CELF2: variants seen among roughly 807,000 people sequenced by gnomAD.
CELF2 encodes CUG triplet repeat RNA-binding protein 2.
CELF2 carries 8 observed loss-of-function variants against 62.6 expected under a neutral mutation model. The ratio of observed to expected loss-of-function variants is 0.13; its 90% confidence interval spans 0.07 to 0.23. The LOEUF (loss-of-function observed/expected upper bound fraction) is 0.23. Among genes scored for constraint, CELF2 ranks in the 10% least tolerant of loss-of-function variants. CELF2 has a pLI of 1.00. For missense variants in CELF2, 333 were observed against 671.0 expected (o/e 0.50, Z 5.56); for synonymous variants, 258 against 250.0 (o/e 1.03, Z -0.30).
rs570686207 is a variant in CELF2 at position 10,839,849 on chromosome 10, A to G, written c.53+41032A>G. On this transcript the variant is annotated intron_variant, in intron 1 of 13. Coordinates refer to the CELF2 transcript ENST00000636488. ...AGAGAATAGTTTCACTGCCCTAAAAATTCCTCTGTGCTTCACCTATTCAAC... is the reference window on the plus strand; with the variant it reads ...AGAGAATAGTTTCACTGCCCTAAAAGTTCCTCTGTGCTTCACCTATTCAAC... Among the ~76,000 whole-genome samples, 11 of 152,320 alleles carry G rather than the reference A, an allele frequency of 7.2e-5. No individual in the cohort carries two copies. The South Asian group carries it at 1.5e-3, about 20-fold the overall frequency.
the CELF2 span, among the ~76,000 whole-genome samples, chr10:10,779,434 G>T: frequency 6.6e-6 from 1 of 152,134 alleles, no homozygotes; most frequent in African/African-American, 2.4e-5. Flanking sequence ...CTTGGGCCCC[G>T]TTCATTGCAC....
At chr10:11,298,802 G>A (rs779780842) in intron 9 of CELF2, among the ~76,000 whole-genome samples, 27 of 152,088 alleles carry the variant, frequency 1.8e-4, no homozygotes, top group Admixed American at 9.8e-4. Context: ...GGAGTGATAC[G>A]AAATACCACA....
chr10:10,802,550 T>C (rs1402304522), intron 1 of CELF2, among the ~76,000 whole-genome samples: 1 of 75,508 alleles, frequency 1.3e-5, no homozygotes, highest in Non-Finnish European at 2.6e-5. Context: ...AGATAAGACT[T>C]GAGAGAAAAA....
intron 7 of CELF2, among the ~76,000 whole-genome samples, chr10:11,272,684 G>A (rs2138719006): frequency 6.6e-6 from 1 of 152,272 alleles, no homozygotes; most frequent in Non-Finnish European, 1.5e-5. Context: ...TCTGCCATGG[G>A]TGATTCTTTC....
chr10:10,883,522 GTCA>G (rs2061564220), intron 1 of CELF2, among the ~76,000 whole-genome samples: 1 of 152,134 alleles, frequency 6.6e-6, no homozygotes, highest in African/African-American at 2.4e-5. Context: ...GATCCCAACA[GTCA>G]TCATGGATGC....
the CELF2 span, among the ~76,000 whole-genome samples, chr10:10,768,911 T>C: frequency 1.3e-5 from 2 of 152,300 alleles, no homozygotes; most frequent in South Asian, 4.1e-4. Flanking sequence ...AGAGTATGTG[T>C]CCCTGCTAGT....
chr10:11,213,510 G>A (rs1229779083), intron 2 of CELF2, among the ~76,000 whole-genome samples: 1 of 152,202 alleles, frequency 6.6e-6, no homozygotes. Flanking sequence ...GTAGCTCCTT[G>A]ACCTTTTGCC....
the CELF2 span, among the ~76,000 whole-genome samples, chr10:10,698,271 A>G: frequency 1.3e-5 from 2 of 152,214 alleles, no homozygotes; most frequent in South Asian, 2.1e-4. Flanking sequence ...GAATCGATTA[A>G]TAGCACTCAG....
At chr10:10,485,040 A>T in the CELF2 span, among the ~76,000 whole-genome samples, 1 of 152,016 alleles carries the variant, frequency 6.6e-6, no homozygotes. Context: ...CCCTCTAGGG[A>T]TGCTCTGACA....
the CELF2 span, among the ~76,000 whole-genome samples, chr10:10,770,131 A>T: frequency 6.6e-6 from 1 of 152,178 alleles, no homozygotes; most frequent in African/African-American, 2.4e-5. Flanking sequence ...GAGCTTCTAG[A>T]TGGATGCGGT....
At chr10:10,898,674 T>G (rs955902887) in intron 1 of CELF2, among the ~76,000 whole-genome samples, 1 of 152,188 alleles carries the variant, frequency 6.6e-6, no homozygotes, top group African/African-American at 2.4e-5. Flanking sequence ...TAGTCAGAGT[T>G]TTCAACATTC....
At chr10:11,072,717 T>C (rs933715889) in intron 1 of CELF2, among the ~76,000 whole-genome samples, 1 of 152,204 alleles carries the variant, frequency 6.6e-6, no homozygotes, top group African/African-American at 2.4e-5. Flanking sequence ...AGTCTGTAGA[T>C]GGTGACCCTT....
intron 1 of CELF2, among the ~76,000 whole-genome samples, chr10:11,160,723 C>T (rs1165582754): frequency 2.0e-5 from 3 of 150,366 alleles, no homozygotes; most frequent in Non-Finnish European, 4.4e-5. Flanking sequence ...TCTTTACGCA[C>T]AATTTTTCTA....
At chr10:11,109,186 A>G (rs2054461641) in intron 1 of CELF2, among the ~76,000 whole-genome samples, 2 of 152,222 alleles carry the variant, frequency 1.3e-5, no homozygotes, top group African/African-American at 4.8e-5. Context: ...GCAGTAAGTT[A>G]CGGATCCAGC....
the CELF2 span, among the ~76,000 whole-genome samples, chr10:10,667,099 G>A: frequency 6.6e-6 from 1 of 152,210 alleles, no homozygotes; most frequent in Non-Finnish European, 1.5e-5. Context: ...AATCCAAAAG[G>A]TTCCTGTTCA....
chr10:11,094,484 G>A (rs370185963), intron 1 of CELF2, among the ~76,000 whole-genome samples: 1 of 152,154 alleles, frequency 6.6e-6, no homozygotes, highest in East Asian at 1.9e-4. Context: ...TAAATCAGGT[G>A]ACTTGAAATG....
chr10:11,046,482 G>A lies in CELF2; in HGVS notation c.74+28319G>A, dbSNP rs911508398. On this transcript the variant is annotated intron_variant, in intron 1 of 12. Coordinates refer to ENST00000633077, the MANE Select transcript of CELF2 (RefSeq NM_001326342.2). The surrounding 1 kb of genome is among the most constrained non-coding windows in gnomAD (Gnocchi z 4.6). Reference sequence around the variant, plus strand: ...TAAAGGGAAGATAAAGTATATTAAGGTTCTCATTAGGCGCACTGCCTGATT... The same window carrying A: ...TAAAGGGAAGATAAAGTATATTAAGATTCTCATTAGGCGCACTGCCTGATT... Among the ~76,000 whole-genome samples, 1 of 152,180 alleles carries A rather than the reference G, an allele frequency of 6.6e-6. No individual in the cohort carries two copies. Among genetic ancestry groups the A allele is most frequent in the East Asian group, 1.9e-4 (1 of 5,194 alleles).
the CELF2 span, among the ~76,000 whole-genome samples, chr10:10,627,830 G>A: frequency 6.6e-6 from 1 of 152,144 alleles, no homozygotes; most frequent in Non-Finnish European, 1.5e-5. Flanking sequence ...AAGCTCCATG[G>A]GAGGAGAAAC....
At chr10:10,533,841 C>G in the CELF2 span, among the ~76,000 whole-genome samples, 2 of 152,106 alleles carry the variant, frequency 1.3e-5, no homozygotes, top group African/African-American at 4.8e-5. Context: ...CAGGAGAGAG[C>G]TGAGGCACAC....
Sources: allele counts gnomAD v4.1 joint callset (sites outside exome capture counted in the v4.1 genomes callset), GRCh38; gene constraint gnomAD v4.1.1; non-coding constraint Gnocchi (gnomAD v3.1); transcripts MANE v1.5; gene names NCBI Gene and HGNC (gene_info 2026-07-23, HGNC 2026-07-21).